FHIT: variants seen among roughly 807,000 people sequenced by gnomAD.
FHIT encodes fragile histidine triad diadenosine triphosphatase, also known as bis(5'-adenosyl)-triphosphatase.
In FHIT, 19 loss-of-function variants were observed where a neutral mutation model predicts 17.9. The ratio of observed to expected loss-of-function variants is 1.06; its 90% CI spans 0.74 to 1.56. The LOEUF (loss-of-function observed/expected upper bound fraction) is 1.56. FHIT is among the 40% of genes most tolerant of loss of function. The pLI is 0.00. For missense variants in FHIT, 248 were observed against 189.2 expected (o/e 1.31, Z -1.82); for synonymous variants, 81 against 69.7 (o/e 1.16, Z -0.81).
intron 5 of FHIT, among the ~76,000 whole-genome samples, chr3:60,149,919 TCTG>T (rs1343358545): frequency 6.6e-6 from 1 of 151,846 alleles, no homozygotes; most frequent in East Asian, 1.9e-4. Flanking sequence ...AATAATGTCT[TCTG>T]CTGGAGCTTC....
At chr3:60,104,754 A>G (rs983407765) in intron 5 of FHIT, among the ~76,000 whole-genome samples, 1 of 152,104 alleles carries the variant, frequency 6.6e-6, no homozygotes, top group Non-Finnish European at 1.5e-5. Context: ...TTAAAAATCC[A>G]TAATAAAAAC....
At chr3:60,316,953 C>T (rs953296994) in intron 5 of FHIT, among the ~76,000 whole-genome samples, 8 of 152,102 alleles carry the variant, frequency 5.3e-5, no homozygotes, top group African/African-American at 1.9e-4. Context: ...GAAATAAAAT[C>T]TCTGGAACAA....
intron 4 of FHIT, among the ~76,000 whole-genome samples, chr3:60,729,563 A>C (rs1553710609): frequency 1.3e-5 from 2 of 152,190 alleles, no homozygotes; most frequent in African/African-American, 2.4e-5. Flanking sequence ...TGCCATGAGC[A>C]TGCATAGAAA....
At chr3:60,580,856 C>G (rs1379129124) in intron 4 of FHIT, among the ~76,000 whole-genome samples, 1 of 152,016 alleles carries the variant, frequency 6.6e-6, no homozygotes, top group Non-Finnish European at 1.5e-5. Context: ...GTGATGCCTG[C>G]CAAGGGTGTA....
At chr3:60,093,189 C>A (rs1302464463) in intron 5 of FHIT, among the ~76,000 whole-genome samples, 2 of 152,152 alleles carry the variant, frequency 1.3e-5, no homozygotes, top group Non-Finnish European at 2.9e-5. Context: ...GAGCTGACAC[C>A]TTGAGCCTGA....
Position 59,747,834 on chromosome 3 carries a change from G to T in FHIT, c.*1751C>A, listed in dbSNP as rs935232179. On this transcript the variant is annotated 3_prime_UTR_variant, in exon 10 of 10. Transcript: ENST00000492590. Reference sequence around the variant, plus strand: ...TGGGTGGAAAGGAGTACTGGTTTAGGGTTGAAGCAAGTCTAAAGCCAGCTT... The same window carrying T: ...TGGGTGGAAAGGAGTACTGGTTTAGTGTTGAAGCAAGTCTAAAGCCAGCTT... 4.6e-5 allele frequency among the ~76,000 whole-genome samples: 7 copies of T among 152,192 alleles called. No individual in the cohort carries two copies. The highest frequency in any genetic ancestry group is 1.3e-4 in the Admixed American group (2 of 15,284).
At chr3:60,082,115 A>ACCCCCT (rs1354798967) in intron 5 of FHIT, among the ~76,000 whole-genome samples, 1 of 148,834 alleles carries the variant, frequency 6.7e-6, no homozygotes, top group Non-Finnish European at 1.5e-5. Flanking sequence ...TCAATCCTTG[A>ACCCCCT]CCCCCTCCTT....
intron 2 of FHIT, among the ~76,000 whole-genome samples, chr3:61,182,575 T>C (rs575522664): frequency 6.6e-6 from 1 of 152,340 alleles, no homozygotes; most frequent in African/African-American, 2.4e-5. Flanking sequence ...TCATCTCATG[T>C]ACCACATGGA....
chr3:60,359,976 C>G (rs1253470903), intron 5 of FHIT, among the ~76,000 whole-genome samples: 2 of 140,032 alleles, frequency 1.4e-5, no homozygotes, highest in Non-Finnish European at 3.1e-5. Context: ...CTAGGACATT[C>G]AAGACTTTTT....
intron 8 of FHIT, among the ~76,000 whole-genome samples, chr3:59,819,499 T>G (rs79538481): frequency 1.3e-5 from 2 of 152,168 alleles, no homozygotes; most frequent in Non-Finnish European, 2.9e-5. Flanking sequence ...ATTATTTGTA[T>G]AGGAAAAATG....
At chr3:59,913,826 A>G (rs1320286672) in intron 8 of FHIT, among the ~76,000 whole-genome samples, 2 of 152,290 alleles carry the variant, frequency 1.3e-5, no homozygotes, top group South Asian at 4.1e-4. Context: ...ACAGTTTGCA[A>G]TAAACCACTA....
intron 3 of FHIT, among the ~76,000 whole-genome samples, chr3:60,981,303 T>C (rs1162440021): frequency 1.3e-5 from 2 of 149,334 alleles, no homozygotes; most frequent in Admixed American, 1.3e-4. Flanking sequence ...TCCTTTTTTT[T>C]TTTTTTTTCT....
chr3:60,514,836 C>G (rs1350302931), intron 5 of FHIT, among the ~76,000 whole-genome samples: 1 of 151,928 alleles, frequency 6.6e-6, no homozygotes, highest in Admixed American at 6.6e-5. Flanking sequence ...CCTACAGACA[C>G]ATGAAAATGC....
At position 60,356,027 on chromosome 3, in the gene FHIT, T is replaced by G. The variant is rs139165796; in HGVS notation, c.103+180833A>C. ...AGTTCAGAGATCCAAAAATAATAAC[T>G]GGCACTGTGCCATGAAAGAACACTG... On this transcript the variant is annotated intron_variant, in intron 5 of 9. Coordinates refer to ENST00000492590, the MANE Select transcript of FHIT (RefSeq NM_002012.4). 6.2e-3 allele frequency among the ~76,000 whole-genome samples: 937 copies of G among 152,284 alleles called. 10 individuals are homozygous for G. Among genetic ancestry groups the G allele is most frequent in the Middle Eastern group, 0.048 (14 of 292 alleles).
At chr3:59,953,801 C>A (rs997582009) in intron 7 of FHIT, among the ~76,000 whole-genome samples, 1 of 152,172 alleles carries the variant, frequency 6.6e-6, no homozygotes, top group Non-Finnish European at 1.5e-5. Flanking sequence ...CCTCCTTTCA[C>A]AAAGGTTCTG....
At chr3:60,249,166 ACT>A (rs1406422113) in intron 5 of FHIT, among the ~76,000 whole-genome samples, 1 of 151,780 alleles carries the variant, frequency 6.6e-6, no homozygotes, top group African/African-American at 2.4e-5. Flanking sequence ...CAGCCAAAAA[ACT>A]CTAACAAGGC....
rs143334940 is a variant in FHIT, at chr3:60,140,076, G to T, written c.104-125924C>A. On this transcript the variant is annotated intron_variant, in intron 5 of 9. Coordinates refer to ENST00000492590, the MANE Select transcript of FHIT (RefSeq NM_002012.4). ...ACAGAGTTTGCAGTGAGCAGAGATC[G>T]TACCACTGCACAACAGCCTGGGCAA... Among the ~76,000 whole-genome samples, 151 of 151,712 alleles carry T rather than the reference G, an allele frequency of 1.0e-3. 1 individual carries two copies. Among genetic ancestry groups the T allele is most frequent in the African/African-American group, 3.5e-3 (144 of 41,332 alleles).
intron 4 of FHIT, among the ~76,000 whole-genome samples, chr3:60,586,834 A>G (rs1273024820): frequency 6.6e-6 from 1 of 151,914 alleles, no homozygotes; most frequent in Non-Finnish European, 1.5e-5. Context: ...AGACAATGGG[A>G]CCTGCTTGAG....
intron 5 of FHIT, among the ~76,000 whole-genome samples, chr3:60,526,631 C>T (rs1041938101): frequency 6.6e-6 from 1 of 152,160 alleles, no homozygotes; most frequent in Admixed American, 6.5e-5. Flanking sequence ...ACAAGCCTCC[C>T]CTGCCCCACC....
Sources: allele counts gnomAD v4.1 joint callset (sites outside exome capture counted in the v4.1 genomes callset), GRCh38; gene constraint gnomAD v4.1.1; transcripts MANE v1.5; gene names NCBI Gene and HGNC (gene_info 2026-07-23, HGNC 2026-07-21).